Variants in SLC25A21 observed in about 807,000 individuals in gnomAD.
SLC25A21 encodes the protein solute carrier family 25 member 21, also known as mitochondrial 2-oxodicarboxylate carrier.
Under a neutral mutation model 43.8 loss-of-function variants are expected in SLC25A21, and 47 were observed. That is an observed-to-expected ratio of 1.07 (90% confidence interval 0.85 to 1.37). The LOEUF is 1.37. Ranked by LOEUF, SLC25A21 falls within the 40% of genes most tolerant of loss-of-function variation. SLC25A21 has a pLI of 0.00. For synonymous variants in SLC25A21, 131 were observed against 121.3 expected (o/e 1.08, Z -0.52); for missense variants, 352 against 350.2 (o/e 1.00, Z -0.04).
chr14:36,988,935 G>A (rs1313402894), intron 1 of SLC25A21, among the ~76,000 whole-genome samples: 4 of 152,200 alleles, frequency 2.6e-5, no homozygotes, highest in African/African-American at 9.7e-5. Flanking sequence ...TAGAATTATA[G>A]TACATTGATA....
chr14:37,102,956 C>G (rs1594794484), intron 1 of SLC25A21, among the ~76,000 whole-genome samples: 1 of 151,614 alleles, frequency 6.6e-6, no homozygotes, highest in East Asian at 1.9e-4. Context: ...TGCCACTGCA[C>G]TCCAGCCTAG....
chr14:36,694,774 ATTTG>A (rs548638075), intron 7 of SLC25A21, among the ~76,000 whole-genome samples: 309 of 152,156 alleles, frequency 2.0e-3, no homozygotes, highest in African/African-American at 7.0e-3. Flanking sequence ...TTTCTTGTAA[ATTTG>A]TTTGAGTTCT....
chr14:37,158,934 C>G (rs1963893913), intron 1 of SLC25A21, among the ~76,000 whole-genome samples: 1 of 152,164 alleles, frequency 6.6e-6, no homozygotes, highest in Non-Finnish European at 1.5e-5. Context: ...TTTCTATACA[C>G]TAATAGTTAT....
intron 1 of SLC25A21, among the ~76,000 whole-genome samples, chr14:36,895,351 A>G (rs1250595485): frequency 6.6e-6 from 1 of 152,070 alleles, no homozygotes; most frequent in Non-Finnish European, 1.5e-5. Context: ...GTATTCTGTG[A>G]TGGTAGTTTG....
chr14:37,142,405 G>T (rs1963585715), intron 1 of SLC25A21, among the ~76,000 whole-genome samples: 1 of 152,190 alleles, frequency 6.6e-6, no homozygotes, highest in South Asian at 2.1e-4. Flanking sequence ...CTGTTGCCCA[G>T]GCTGGAGTAC....
intron 6 of SLC25A21, chr14:36,725,029 T>G (rs1005772328): frequency 3.3e-5 from 5 of 152,116 alleles, no homozygotes; most frequent in Non-Finnish European, 7.3e-5. Flanking sequence ...AATAAACAAG[T>G]GTTTGTCCAT....
chr14:37,065,656 C>T (rs1400468496), intron 1 of SLC25A21, among the ~76,000 whole-genome samples: 1 of 152,132 alleles, frequency 6.6e-6, no homozygotes, highest in Non-Finnish European at 1.5e-5. Flanking sequence ...AGGAATGTCC[C>T]TGAGAAGTTG....
At chr14:37,016,329 A>G (rs1305410026) in intron 1 of SLC25A21, among the ~76,000 whole-genome samples, 2 of 151,952 alleles carry the variant, frequency 1.3e-5, no homozygotes, top group African/African-American at 2.4e-5. Context: ...TTTTTCTCAG[A>G]TTTGTCAAAG....
At chr14:36,755,952 C>T (rs1885912468) in intron 3 of SLC25A21, among the ~76,000 whole-genome samples, 1 of 152,158 alleles carries the variant, frequency 6.6e-6, no homozygotes, top group Non-Finnish European at 1.5e-5. Flanking sequence ...GTGCTTCCAA[C>T]CATCCAGCCA....
At chr14:36,849,084 T>C (rs542406770) in intron 2 of SLC25A21, among the ~76,000 whole-genome samples, 1 of 152,332 alleles carries the variant, frequency 6.6e-6, no homozygotes, top group Non-Finnish European at 1.5e-5. Context: ...TTGGAGCTTC[T>C]AATATATTCA....
chr14:37,066,049 G>A (rs1426405910), intron 1 of SLC25A21, among the ~76,000 whole-genome samples: 1 of 152,176 alleles, frequency 6.6e-6, no homozygotes, highest in Non-Finnish European at 1.5e-5. Flanking sequence ...CCCACAAGCT[G>A]CTTATTAGTT....
intron 1 of SLC25A21, among the ~76,000 whole-genome samples, chr14:37,001,516 C>T (rs1960489379): frequency 6.6e-6 from 1 of 152,152 alleles, no homozygotes; most frequent in Admixed American, 6.6e-5. Flanking sequence ...TAACATATGT[C>T]AGTCATTCTA....
At chr14:36,983,427 TC>T (rs983211442) in intron 1 of SLC25A21, among the ~76,000 whole-genome samples, 33 of 144,080 alleles carry the variant, frequency 2.3e-4, no homozygotes, top group Non-Finnish European at 4.2e-4. Flanking sequence ...GTCAAAAACC[TC>T]CCCTCAGAAG....
chr14:37,032,186 T>C (rs1961226243), intron 1 of SLC25A21, among the ~76,000 whole-genome samples: 1 of 152,190 alleles, frequency 6.6e-6, no homozygotes, highest in African/African-American at 2.4e-5. Context: ...TTTTATGCGA[T>C]AAGATATTTA....
intron 2 of SLC25A21, among the ~76,000 whole-genome samples, chr14:36,852,284 T>A (rs1049713455): frequency 1.3e-5 from 2 of 152,154 alleles, no homozygotes; most frequent in African/African-American, 4.8e-5. Context: ...GTGAACCTGG[T>A]AAGTTTACTT....
chr14:37,023,226 A>G (rs2138756891), intron 1 of SLC25A21, among the ~76,000 whole-genome samples: 1 of 152,136 alleles, frequency 6.6e-6, no homozygotes, highest in Admixed American at 6.6e-5. Flanking sequence ...TTACTCCAAA[A>G]GTGTTCCCAA....
At chr14:36,982,820 A>C (rs943440459) in intron 1 of SLC25A21, among the ~76,000 whole-genome samples, 9 of 138,566 alleles carry the variant, frequency 6.5e-5, no homozygotes, top group African/African-American at 1.9e-4. Flanking sequence ...TCTCAACAAA[A>C]AACAACAACA....
At chr14:37,167,129 G>A (rs1169813927) in intron 1 of SLC25A21, among the ~76,000 whole-genome samples, 1 of 152,168 alleles carries the variant, frequency 6.6e-6, no homozygotes, top group Non-Finnish European at 1.5e-5. Flanking sequence ...TGTAGGAGAG[G>A]GTTGAAAAAT....
intron 1 of SLC25A21, among the ~76,000 whole-genome samples, chr14:37,027,747 G>A (rs1961124036): frequency 6.6e-6 from 1 of 152,192 alleles, no homozygotes; most frequent in African/African-American, 2.4e-5. Context: ...GAAAACAGCT[G>A]TTTGGCCTGG....
Sources: allele counts gnomAD v4.1 joint callset (sites outside exome capture counted in the v4.1 genomes callset), GRCh38; gene constraint gnomAD v4.1.1; transcripts MANE v1.5; gene names NCBI Gene and HGNC (gene_info 2026-07-23, HGNC 2026-07-21).